TP63: variants seen among roughly 807,000 people sequenced by gnomAD.
TP63 encodes tumor protein 63.
Under a neutral mutation model 82.8 loss-of-function variants are expected in TP63, and 17 were observed. The ratio of observed to expected loss-of-function variants is 0.21; its 90% CI spans 0.14 to 0.31. The LOEUF is 0.31. Among genes scored for constraint, TP63 ranks in the 10% least tolerant of loss-of-function variants. The probability of loss-of-function intolerance (pLI) is 1.00; values close to 1 mark genes in which losing one functional copy is unlikely to be tolerated. For synonymous variants in TP63, 330 were observed against 321.7 expected, an observed-to-expected ratio of 1.03 and a Z score of -0.28; for missense variants, 648 against 895.3, an observed-to-expected ratio of 0.72 and a Z score of 3.52.
intron 3 of TP63, among the ~76,000 whole-genome samples, chr3:189,792,694 C>G (rs553583593): frequency 9.2e-5 from 14 of 152,074 alleles, no homozygotes; most frequent in African/African-American, 3.1e-4. Context: ...CGATCGTGTT[C>G]CCTTTACTCA....
Position 189,748,344 on chromosome 3 carries a change from G to A in TP63, c.324+9570G>A, listed in dbSNP as rs553988742. ...ATAAATGAATTCAATATAGTTGCAG[G>A]ATACAAAAATCAAAATACAAAAATC... On this transcript the variant is annotated intron_variant, in intron 3 of 13. Transcript: ENST00000264731. 4.0e-5 allele frequency among the ~76,000 whole-genome samples: 6 copies of A among 151,802 alleles called. No homozygotes were observed. In the East Asian group the frequency reaches 7.7e-4, roughly 20 times the overall value.
rs748824175 is a variant in TP63 at position 189,867,115 on chromosome 3, G to A, written c.882+318G>A. On this transcript the variant is annotated intron_variant, in intron 6 of 13. Coordinates refer to ENST00000264731, the MANE Select transcript of TP63 (RefSeq NM_003722.5). The stretch of plus-strand genomic sequence containing the variant: ...TCCAACTGGCAGTTGGACGGGTAGT[G>A]GATAAGCAATAGTAGTGGATGCAAG... Among the ~76,000 whole-genome samples the A allele has an allele frequency of 3.3e-5, 5 of 152,138 alleles. No homozygotes were observed. The East Asian group carries it at 9.6e-4, about 29-fold the overall frequency.
intron 13 of TP63, among the ~76,000 whole-genome samples, chr3:189,893,999 C>G (rs577715239): frequency 1.3e-5 from 2 of 152,166 alleles, no homozygotes; most frequent in Non-Finnish European, 2.9e-5. Context: ...GTGTTCTACA[C>G]AGGCAGGAAA....
intron 1 of TP63, among the ~76,000 whole-genome samples, chr3:189,716,639 A>G (rs1718979778): frequency 6.6e-6 from 1 of 152,202 alleles, no homozygotes. Context: ...TCTGAATTTT[A>G]TAGCCCAACA....
intron 4 of TP63, among the ~76,000 whole-genome samples, chr3:189,848,270 T>TCTCTCTCTCTCTC (rs1560254388): frequency 2.0e-5 from 3 of 151,060 alleles, no homozygotes; most frequent in Non-Finnish European, 4.4e-5. Flanking sequence ...TCTCTCTCTC[T>TCTCTCTCTCTCTC]GTTGCCTAGG....
At chr3:189,681,396 T>A (rs1484854287) in intron 1 of TP63, among the ~76,000 whole-genome samples, 1 of 152,214 alleles carries the variant, frequency 6.6e-6, no homozygotes, top group Non-Finnish European at 1.5e-5. Context: ...TAAAAATAAC[T>A]TGAAGCCAAG....
chr3:189,793,280 G>A lies in TP63; in HGVS notation c.325-14992G>A, dbSNP rs200947633. On this transcript the variant is annotated intron_variant, in intron 3 of 13. Coordinates refer to ENST00000264731, the MANE Select transcript of TP63 (RefSeq NM_003722.5). ...ATCCTTTACCTCGATAAGGAAAACC[G>A]TGTTTGGTTTGGTTTGCTTTTTAGA... Among the ~76,000 whole-genome samples, 7 of 152,134 alleles carry A rather than the reference G, an allele frequency of 4.6e-5. No individual in the cohort carries two copies. The East Asian group carries it at 1.2e-3, about 25-fold the overall frequency.
intron 3 of TP63, among the ~76,000 whole-genome samples, chr3:189,795,436 T>G (rs1333115632): frequency 6.6e-6 from 1 of 151,978 alleles, no homozygotes; most frequent in Non-Finnish European, 1.5e-5. Flanking sequence ...TCCCAAGTTT[T>G]GAAAGAGTGA....
At chr3:189,689,782 G>A (rs899993220) in intron 1 of TP63, among the ~76,000 whole-genome samples, 1 of 152,106 alleles carries the variant, frequency 6.6e-6, no homozygotes, top group African/African-American at 2.4e-5. Flanking sequence ...GTCTTGACTT[G>A]TTGGGAAACT....
chr3:189,807,060 C>A (rs1726992770), intron 3 of TP63, among the ~76,000 whole-genome samples: 1 of 152,130 alleles, frequency 6.6e-6, no homozygotes, highest in Non-Finnish European at 1.5e-5. Flanking sequence ...AATAGGACTG[C>A]CTTAATCTTG....
intron 1 of TP63, among the ~76,000 whole-genome samples, chr3:189,655,816 G>T (rs1338127603): frequency 6.6e-6 from 1 of 152,096 alleles, no homozygotes; most frequent in Non-Finnish European, 1.5e-5. Flanking sequence ...CCCACACATT[G>T]TTGGGCTTTT....
intron 4 of TP63, among the ~76,000 whole-genome samples, chr3:189,830,636 A>G (rs1712182265): frequency 6.6e-6 from 1 of 151,952 alleles, no homozygotes. Context: ...CTGTTGTTTT[A>G]TTATGCCTGT....
At chr3:189,886,208 CAGTTTCT>C (rs1481186599) in intron 10 of TP63, among the ~76,000 whole-genome samples, 179 bp from the exon 11 acceptor site, 1 of 152,224 alleles carries the variant, frequency 6.6e-6, no homozygotes, top group Non-Finnish European at 1.5e-5. Context: ...GCCTCGCAGT[CAGTTTCT>C]CCCTATTCAG....
intron 4 of TP63, among the ~76,000 whole-genome samples, chr3:189,811,031 T>G (rs951833540): frequency 6.6e-6 from 1 of 152,082 alleles, no homozygotes; most frequent in Non-Finnish European, 1.5e-5. Flanking sequence ...AAAATTTCCT[T>G]ACATGTGACA....
At chr3:189,823,936 T>C (rs547515962) in intron 4 of TP63, among the ~76,000 whole-genome samples, 45 of 152,280 alleles carry the variant, frequency 3.0e-4, no homozygotes, top group African/African-American at 9.6e-4. Context: ...ATGAAGGTGC[T>C]GGTTCAGTGA....
rs746955669 is a variant in TP63, at chr3:189,631,414, T to C, written c.-102T>C. ...CTATGTCTGATAGCATTTGACCCTA[T>C]TGCTTTTAGCCTCCCGGCTTTATAT... is the stretch of plus-strand genomic sequence containing the variant. On this transcript the variant is annotated 5_prime_UTR_variant, in exon 1 of 14. Transcript: ENST00000264731. 3.2e-6 allele frequency: 5 copies of C among 1,587,076 alleles called. No homozygotes were observed. In the East Asian group the frequency reaches 9.3e-5, roughly 30 times the overall value.
intron 1 of TP63, among the ~76,000 whole-genome samples, chr3:189,721,095 T>A (rs998512661): frequency 1.3e-5 from 2 of 152,208 alleles, no homozygotes; most frequent in African/African-American, 2.4e-5. Flanking sequence ...AGAGGCCTGA[T>A]CTGCAATTTA....
intron 1 of TP63, among the ~76,000 whole-genome samples, chr3:189,644,912 CTTT>C (rs67262538): frequency 2.8e-5 from 4 of 142,644 alleles, no homozygotes; most frequent in Non-Finnish European, 3.1e-5. Flanking sequence ...ACCACATTTT[CTTT>C]TTTTTTTTTT....
intron 1 of TP63, among the ~76,000 whole-genome samples, chr3:189,697,439 T>G (rs188271240): frequency 6.6e-6 from 1 of 152,200 alleles, no homozygotes; most frequent in South Asian, 2.1e-4. Context: ...CCAAATGTCT[T>G]GATTACTGCA....
Sources: allele counts gnomAD v4.1 joint callset (sites outside exome capture counted in the v4.1 genomes callset), GRCh38; gene constraint gnomAD v4.1.1; transcripts MANE v1.5; gene names NCBI Gene and HGNC (gene_info 2026-07-23, HGNC 2026-07-21).